Variants in RAP1GAP2 observed in about 807,000 individuals in gnomAD.
The protein encoded by RAP1GAP2 is RAP1 GTPase activating protein 2.
In RAP1GAP2, 27 loss-of-function variants were observed where a neutral mutation model predicts 95.0. The ratio of observed to expected loss-of-function variants is 0.28; its 90% confidence interval spans 0.21 to 0.39. The LOEUF is 0.39. Among genes scored for constraint, RAP1GAP2 ranks in the 10% least tolerant of loss-of-function variants. The pLI is 1.00. For synonymous variants in RAP1GAP2, 373 were observed against 380.9 expected (o/e 0.98, Z 0.24); for missense variants, 771 against 970.0 (o/e 0.79, Z 2.72).
chr17:2,991,860 G>A (rs2045765064), intron 12 of RAP1GAP2, among the ~76,000 whole-genome samples: 2 of 152,114 alleles, frequency 1.3e-5, no homozygotes, highest in South Asian at 4.1e-4. Flanking sequence ...CACCTCCCAG[G>A]TTCAGGCGAT....
intron 3 of RAP1GAP2, among the ~76,000 whole-genome samples, chr17:2,918,527 G>T (rs560932143): frequency 6.6e-6 from 1 of 152,124 alleles, no homozygotes; most frequent in South Asian, 2.1e-4. Flanking sequence ...GGCTGTTGGG[G>T]TGGCCTCAGG....
chr17:2,962,251 A>G (rs1242200081), intron 4 of RAP1GAP2: 5 of 188,966 alleles, frequency 2.6e-5, no homozygotes, highest in Admixed American at 1.3e-4. Context: ...TCATGATGAT[A>G]ATGACCCACA....
intron 2 of RAP1GAP2, among the ~76,000 whole-genome samples, chr17:2,887,977 C>G (rs1006662814): frequency 3.3e-5 from 5 of 152,094 alleles, no homozygotes; most frequent in Non-Finnish European, 7.3e-5. Context: ...CCTGGCCTAA[C>G]TATTATCTCT....
intron 2 of RAP1GAP2, among the ~76,000 whole-genome samples, chr17:2,864,110 G>A (rs902991325): frequency 4.0e-5 from 6 of 150,130 alleles, no homozygotes; most frequent in South Asian, 2.1e-4. Flanking sequence ...GTCTTGTCCC[G>A]TACGTAGCAG....
intron 2 of RAP1GAP2, among the ~76,000 whole-genome samples, chr17:2,771,837 TGAA>T (rs1414294490): frequency 6.6e-6 from 1 of 152,284 alleles, no homozygotes; most frequent in Admixed American, 6.5e-5. Flanking sequence ...CCAGAGGACT[TGAA>T]GAAGAGTCTG....
chr17:3,031,483 G>A (rs74187515), intron 23 of RAP1GAP2, among the ~76,000 whole-genome samples: 5 of 149,222 alleles, frequency 3.4e-5, no homozygotes, highest in African/African-American at 1.2e-4. Context: ...GAGGTGGAAG[G>A]TGCTGGTTCC....
chr17:2,874,987 A>G (rs1191240310), intron 2 of RAP1GAP2, among the ~76,000 whole-genome samples: 2 of 152,180 alleles, frequency 1.3e-5, no homozygotes, highest in Admixed American at 6.5e-5. Flanking sequence ...GCTCGGGCCA[A>G]AGTTGAGGAC....
chr17:2,930,889 C>T (rs746649422), intron 3 of RAP1GAP2, among the ~76,000 whole-genome samples: 5 of 152,240 alleles, frequency 3.3e-5, no homozygotes, highest in South Asian at 2.1e-4. Context: ...TTTGGGAGGC[C>T]GAGGCGGGCA....
In RAP1GAP2 at chr17:3,029,859, C is replaced by T. The variant is rs777564865; in HGVS notation, c.2108-1063C>T. Among the ~76,000 whole-genome samples, 4 of 151,936 alleles carry T rather than the reference C, an allele frequency of 2.6e-5. No homozygotes were observed. On this transcript the variant is annotated intron_variant, in intron 22 of 24. Transcript: ENST00000254695. The surrounding 1 kb of genome is among the most constrained non-coding windows in gnomAD (Gnocchi z 4.4). ...GGATGTCAAACCCAGTGTACAAATA[C>T]TAGATAATATTCTTTACCATAAGTC...
At chr17:3,016,021 C>T (rs183449724) in intron 17 of RAP1GAP2, among the ~76,000 whole-genome samples, 1 of 152,262 alleles carries the variant, frequency 6.6e-6, no homozygotes, top group Admixed American at 6.5e-5. Flanking sequence ...CAGCCTCCCT[C>T]GACTAGCTCA....
intron 2 of RAP1GAP2, among the ~76,000 whole-genome samples, chr17:2,851,854 T>C (rs900387305): frequency 1.3e-5 from 2 of 152,176 alleles, no homozygotes; most frequent in Non-Finnish European, 2.9e-5. Context: ...GTGCTGGGAT[T>C]ACAGGTGTGA....
chr17:2,761,150 T>TC (rs1351140653), intron 1 of RAP1GAP2, among the ~76,000 whole-genome samples: 1 of 151,686 alleles, frequency 6.6e-6, no homozygotes, highest in Non-Finnish European at 1.5e-5. Context: ...GGTTGAGGTT[T>TC]CACCTTGTTG....
intron 2 of RAP1GAP2, among the ~76,000 whole-genome samples, chr17:2,829,919 T>C (rs2070755653): frequency 6.6e-6 from 1 of 151,746 alleles, no homozygotes; most frequent in South Asian, 2.1e-4. Flanking sequence ...CTCGAGAGGC[T>C]GGGATTACAG....
At chr17:2,851,616 C>T (rs1159124660) in intron 2 of RAP1GAP2, among the ~76,000 whole-genome samples, 1 of 152,132 alleles carries the variant, frequency 6.6e-6, no homozygotes, top group African/African-American at 2.4e-5. Flanking sequence ...TTTTGGGGGA[C>T]AGCCTTGTGT....
intron 3 of RAP1GAP2, among the ~76,000 whole-genome samples, chr17:2,927,161 C>CT (rs967323533): frequency 5.6e-4 from 81 of 144,830 alleles, no homozygotes; most frequent in South Asian, 6.7e-4. Flanking sequence ...TGGAGCAAGT[C>CT]TTTTTTTTTT....
intron 8 of RAP1GAP2, among the ~76,000 whole-genome samples, chr17:2,974,794 A>G (rs2045038506): frequency 6.6e-6 from 1 of 152,234 alleles, no homozygotes; most frequent in Admixed American, 6.5e-5. Context: ...ATACAGAAAT[A>G]CAGTCTATAG....
rs939097737 is a variant in RAP1GAP2, at chr17:2,962,839, C to T, written c.246+125C>T. On this transcript the variant is annotated intron_variant, in intron 5 of 24. Transcript: ENST00000254695. ...CACACCTGTCTAACTCTGACTCGCA[C>T]CACGGGCCGCTTCACGACTGCCTTG... 43 of 919,918 alleles carry T rather than the reference C, an allele frequency of 4.7e-5. No homozygotes were observed. In the African/African-American group the frequency reaches 5.3e-4, roughly 11 times the overall value. 57.0% of individuals were successfully genotyped at this position (919,918 alleles called of 1,614,324 possible).
intron 2 of RAP1GAP2, among the ~76,000 whole-genome samples, chr17:2,853,163 A>T (rs1567710886): frequency 6.6e-6 from 1 of 151,200 alleles, no homozygotes; most frequent in African/African-American, 2.4e-5. Context: ...CCTTGCGCCG[A>T]CTCTGCGGGG....
At chr17:3,025,963 TGAG>T (rs2047099389) in intron 19 of RAP1GAP2, 42 bp from the exon 20 acceptor site, 1 of 1,431,100 alleles carries the variant, frequency 7.0e-7, no homozygotes. Context: ...GGGTGGGGGT[TGAG>T]GGCTGTCTCC....
Sources: gnomAD v4.1 joint callset for allele counts (sites outside exome capture counted in the v4.1 genomes callset) on GRCh38, gnomAD v4.1.1 for gene constraint, Gnocchi (gnomAD v3.1) non-coding constraint, MANE v1.5 for transcripts, NCBI Gene and HGNC (gene_info 2026-07-23, HGNC 2026-07-21) for gene names.